GCH1: variants seen among roughly 807,000 people sequenced by gnomAD.
The protein encoded by GCH1 is GTP cyclohydrolase 1, also known as GTP cyclohydrolase I.
Under a neutral mutation model 25.9 loss-of-function variants are expected in GCH1, and 5 were observed. That is an observed-to-expected ratio of 0.19 (90% CI 0.10 to 0.41). GCH1 has a LOEUF of 0.41. Ranked by LOEUF, GCH1 falls within the 10% of genes least tolerant of loss-of-function variation. The pLI is 1.00. For missense variants in GCH1, 261 were observed against 336.5 expected, an observed-to-expected ratio of 0.78 and a Z score of 1.75; for synonymous variants, 159 against 129.6, an observed-to-expected ratio of 1.23 and a Z score of -1.54.
rs2039586411 is a variant in GCH1 at position 54,843,172 on chromosome 14, A to G, written c.*845T>C. 1 of 1,496,972 alleles carries G rather than the reference A, an allele frequency of 6.7e-7. No homozygotes were observed. The highest frequency in any genetic ancestry group is 1.3e-5 in the South Asian group (1 of 74,638). 92.7% of individuals were successfully genotyped at this position (1,496,972 alleles called of 1,614,324 possible). ...GCATCTACATGGATCACACAAAGGA[A>G]ACTCAATAAACCTATAAAGTTAAAA... On this transcript the variant is annotated 3_prime_UTR_variant, in exon 6 of 6. Transcript: ENST00000491895.
At chr14:54,900,210 T>G (rs1240332606) in intron 1 of GCH1, among the ~76,000 whole-genome samples, 5 of 146,700 alleles carry the variant, frequency 3.4e-5, no homozygotes, top group South Asian at 2.1e-4. Flanking sequence ...AGTTTTTTTG[T>G]TTTTTTTGTT....
intron 2 of GCH1, among the ~76,000 whole-genome samples, chr14:54,862,013 G>T (rs2039904252): frequency 6.6e-6 from 1 of 152,014 alleles, no homozygotes; most frequent in Non-Finnish European, 1.5e-5. Context: ...GATGTATCTG[G>T]GTTTTCTGAT....
At chr14:54,873,249 G>A (rs1470442172) in intron 1 of GCH1, among the ~76,000 whole-genome samples, 2 of 152,124 alleles carry the variant, frequency 1.3e-5, no homozygotes, top group African/African-American at 4.8e-5. Context: ...TGACTACTGG[G>A]TACATAACGA....
chr14:54,874,702 GACAA>G (rs1466788185), intron 1 of GCH1, among the ~76,000 whole-genome samples: 1 of 152,084 alleles, frequency 6.6e-6, no homozygotes, highest in East Asian at 1.9e-4. Flanking sequence ...ACCAATAACA[GACAA>G]ACAGAGCCAA....
chr14:54,885,269 TAGA>T (rs2040335123), intron 1 of GCH1: 3 of 214,960 alleles, frequency 1.4e-5, no homozygotes, highest in Non-Finnish European at 1.9e-5. Flanking sequence ...TTCAGGATGG[TAGA>T]AGAAGTAGAA....
At chr14:54,888,724 C>T (rs890036735) in intron 1 of GCH1, among the ~76,000 whole-genome samples, 23 of 149,250 alleles carry the variant, frequency 1.5e-4, no homozygotes, top group African/African-American at 5.2e-4. Context: ...AGGGTTTCAG[C>T]GTGTTAGCCA....
At chr14:54,870,876 G>C (rs962416647) in intron 1 of GCH1, among the ~76,000 whole-genome samples, 1 of 152,206 alleles carries the variant, frequency 6.6e-6, no homozygotes, top group Middle Eastern at 3.2e-3. Context: ...GGAGCCCACC[G>C]CAGCTCAAGG....
chr14:54,871,996 A>AATACAGAGATAC (rs2040086312), intron 1 of GCH1, among the ~76,000 whole-genome samples: 2 of 152,082 alleles, frequency 1.3e-5, no homozygotes, highest in Admixed American at 1.3e-4. Flanking sequence ...AATACAGAGA[A>AATACAGAGATAC]TGCCACAAAG....
At chr14:54,886,668 C>G (rs779340354) in intron 1 of GCH1, among the ~76,000 whole-genome samples, 1 of 152,136 alleles carries the variant, frequency 6.6e-6, no homozygotes, top group Non-Finnish European at 1.5e-5. Context: ...CAGATGAGGA[C>G]ACAGATACTG....
chr14:54,901,136 C>A (rs2040560689), intron 1 of GCH1, among the ~76,000 whole-genome samples: 1 of 151,960 alleles, frequency 6.6e-6, no homozygotes, highest in Admixed American at 6.6e-5. Context: ...GAAGACTGGG[C>A]AAAAAATAAC....
rs1348408255 is a variant in GCH1 at position 54,880,473 on chromosome 14, T to TATACACTCC, written c.344-15038_344-15037insGGAGTGTAT. Among the ~76,000 whole-genome samples, 107 of 109,528 alleles carry TATACACTCC rather than the reference T, an allele frequency of 9.8e-4. 23 individuals carry two copies. The highest frequency in any genetic ancestry group is 5.7e-3 in the African/African-American group (105 of 18,482). The allele number at this position is 109,528 out of a possible 152,430, so 71.9% of individuals were successfully genotyped here. A position where few individuals can be genotyped will look rare whatever the true frequency, so the allele number is the denominator to read the frequency against. On this transcript the variant is annotated intron_variant, in intron 1 of 5. Transcript: ENST00000491895. ...CATATAAATATATACTCCATATATA[T>TATACACTCC]ATATACACTCCATATATATATATAC...
rs563020139 is a variant in GCH1 at position 54,871,738 on chromosome 14, A to G, written c.344-6302T>C. Among the ~76,000 whole-genome samples, 4 of 152,356 alleles carry G rather than the reference A, an allele frequency of 2.6e-5. No individual in the cohort carries two copies. In the South Asian group the frequency reaches 8.3e-4, roughly 32 times the overall value. On this transcript the variant is annotated intron_variant, in intron 1 of 5. Coordinates refer to ENST00000491895, the MANE Select transcript of GCH1 (RefSeq NM_000161.3). ...TAGCTGATTCGATCAACTGGAAGAA[A>G]GGGTATCAGTGATGGAAGATCAAAT...
intron 2 of GCH1, 101 bp downstream of exon 2, chr14:54,865,226 G>C (rs936221235): frequency 3.0e-6 from 2 of 666,926 alleles, no homozygotes; most frequent in Non-Finnish European, 5.4e-6. Context: ...AAATACCTGA[G>C]ATATCAGCAA....
intron 1 of GCH1, among the ~76,000 whole-genome samples, chr14:54,872,532 A>G (rs1205853908): frequency 6.6e-6 from 1 of 152,240 alleles, no homozygotes; most frequent in African/African-American, 2.4e-5. Context: ...TAAATGCTCC[A>G]ATTAAAAGAC....
intron 1 of GCH1, among the ~76,000 whole-genome samples, chr14:54,870,511 G>T (rs973632652): frequency 5.9e-5 from 9 of 152,188 alleles, no homozygotes; most frequent in Non-Finnish European, 1.3e-4. Context: ...GTGCAGGACA[G>T]GGGGTGCAGC....
chr14:54,868,348 T>G (rs1450005245), intron 1 of GCH1, among the ~76,000 whole-genome samples: 2 of 151,950 alleles, frequency 1.3e-5, no homozygotes, highest in Non-Finnish European at 2.9e-5. Flanking sequence ...GCCCAGCAGT[T>G]CAATGCTACA....
chr14:54,866,394 T>C (rs952108242), intron 1 of GCH1, among the ~76,000 whole-genome samples: 3 of 152,204 alleles, frequency 2.0e-5, no homozygotes, highest in East Asian at 1.9e-4. Flanking sequence ...TTCAGCTATA[T>C]TGTCAAATGA....
chr14:54,865,294 T>C (rs775638709), intron 2 of GCH1, 33 bp downstream of exon 2: 10 of 1,043,768 alleles, frequency 9.6e-6, no homozygotes, highest in Admixed American at 3.5e-5. Context: ...CACTATGTTT[T>C]AAATTGCTGG....
chr14:54,889,353 A>T (rs922869590), intron 1 of GCH1, among the ~76,000 whole-genome samples: 2 of 152,238 alleles, frequency 1.3e-5, no homozygotes, highest in Non-Finnish European at 2.9e-5. Context: ...CCACACAGGT[A>T]AAATTATATT....
Sources: gnomAD v4.1 joint callset for allele counts (sites outside exome capture counted in the v4.1 genomes callset) on GRCh38, gnomAD v4.1.1 for gene constraint, MANE v1.5 for transcripts, NCBI Gene and HGNC (gene_info 2026-07-23, HGNC 2026-07-21) for gene names.